The following FLT4 variants were observed in gnomAD, a reference collection of about 807,000 sequenced individuals.
FLT4 encodes the protein fms related receptor tyrosine kinase 4, also known as vascular endothelial growth factor receptor 3.
In FLT4, 30 loss-of-function variants were observed where a neutral mutation model predicts 163.2. That is an observed-to-expected ratio of 0.18 (90% CI 0.14 to 0.25). The LOEUF (loss-of-function observed/expected upper bound fraction) is 0.25, where lower values mean the gene tolerates loss of function less well. Ranked by LOEUF, FLT4 falls within the 10% of genes least tolerant of loss-of-function variation. FLT4 has a pLI of 1.00. For synonymous variants in FLT4, 884 were observed against 789.5 expected, an observed-to-expected ratio of 1.12 and a Z score of -2.01; for missense variants, 1,510 against 1,863.8, an observed-to-expected ratio of 0.81 and a Z score of 3.50.
intron 27 of FLT4, 102 bp from the exon 28 acceptor site, chr5:180,610,127 C>T: frequency 6.4e-7 from 1 of 1,561,624 alleles, no homozygotes; most frequent in South Asian, 1.1e-5. Flanking sequence ...GAAAGGACCC[C>T]CCGCCTGGGG....
At chr5:180,605,626 G>A (rs1761742296) in intron 29 of FLT4, among the ~76,000 whole-genome samples, 1 of 152,178 alleles carries the variant, frequency 6.6e-6, no homozygotes, top group African/African-American at 2.4e-5. Context: ...TCACTTAAAA[G>A]TGCCACCTCA....
At chr5:180,608,649 C>T (rs1376948768) in intron 29 of FLT4, among the ~76,000 whole-genome samples, 1 of 152,122 alleles carries the variant, frequency 6.6e-6, no homozygotes, top group Non-Finnish European at 1.5e-5. Context: ...GGTGGCCTCC[C>T]CAACCTGGAG....
chr5:180,626,618 C>T (rs1402886474), intron 8 of FLT4, among the ~76,000 whole-genome samples: 1 of 152,220 alleles, frequency 6.6e-6, no homozygotes. Context: ...TGCAGACAGC[C>T]TTCTTCAGCC....
At chr5:180,616,212 G>T (rs1203771691) in intron 23 of FLT4, among the ~76,000 whole-genome samples, 155 bp downstream of exon 23, 1 of 152,200 alleles carries the variant, frequency 6.6e-6, no homozygotes, top group Admixed American at 6.5e-5. Flanking sequence ...GTCCCCTGGG[G>T]GCAGGAGGTC....
intron 8 of FLT4, among the ~76,000 whole-genome samples, chr5:180,628,649 G>C (rs1462290061): frequency 6.6e-6 from 1 of 152,214 alleles, no homozygotes; most frequent in East Asian, 1.9e-4. Context: ...ACATGTAACA[G>C]AAGGCTGGTA....
In FLT4 at chr5:180,630,053, C is replaced by T. The variant is rs369974304; in HGVS notation, c.566G>A (p.Arg189Gln). ...CAGTGGCGTGGACACGAGCATGCCC[C>T]GCCGGTCATCCCACACCACCTCCTG... ...DGQEVVWDDR[R>Q]GMLVSTPLLH... The change falls in exon 5 of 30, where the codon CGG becomes CAG. Residue 189 changes from arginine to glutamine, a missense_variant. This residue lies in a region of FLT4 where 163 missense variants were observed against 281.1 expected (regional missense o/e 0.58). Coordinates refer to ENST00000261937, the MANE Select transcript of FLT4 (RefSeq NM_182925.5). The surrounding 1 kb of genome is among the most constrained non-coding windows in gnomAD (Gnocchi z 6.3). 24 of 1,612,672 alleles carry T rather than the reference C, an allele frequency of 1.5e-5. No individual in the cohort carries two copies. Among genetic ancestry groups the T allele is most frequent in the Middle Eastern group, 3.3e-4 (2 of 6,084 alleles).
chr5:180,646,599 G>A (rs905912073), intron 1 of FLT4, among the ~76,000 whole-genome samples: 3 of 152,176 alleles, frequency 2.0e-5, no homozygotes, highest in African/African-American at 7.2e-5. Flanking sequence ...CACCAGCTGG[G>A]CCTCACCAGG....
At chr5:180,645,603 C>T (rs1765452478) in intron 1 of FLT4, among the ~76,000 whole-genome samples, 1 of 152,186 alleles carries the variant, frequency 6.6e-6, no homozygotes, top group African/African-American at 2.4e-5. Context: ...TACTCACCAC[C>T]TGGATCTACC....
chr5:180,631,950 C>A (rs1223346084), intron 1 of FLT4, among the ~76,000 whole-genome samples, 172 bp from the exon 2 acceptor site: 1 of 152,138 alleles, frequency 6.6e-6, no homozygotes, highest in Non-Finnish European at 1.5e-5. Flanking sequence ...GTGAGCAGCA[C>A]CAGCTCCCAG....
chr5:180,619,460 G>T, intron 18 of FLT4, 94 bp from the exon 19 acceptor site: 1 of 1,074,524 alleles, frequency 9.3e-7, no homozygotes, highest in Non-Finnish European at 1.4e-6. Context: ...GTTACTAAGG[G>T]CCCCCAGGAC....
At chr5:180,631,403 G>A (rs1352538826) in intron 2 of FLT4, among the ~76,000 whole-genome samples, 2 of 152,056 alleles carry the variant, frequency 1.3e-5, no homozygotes, top group East Asian at 3.9e-4. Context: ...AACCCGGGAG[G>A]CAGAGCTTGC....
In FLT4 at chr5:180,622,711, G is replaced by A. The variant is rs369293878; in HGVS notation, c.1657+20C>T. On this transcript the variant is annotated intron_variant, in intron 12 of 29. Transcript: ENST00000261937. ...CCTGACCCTGTACCCAGGCCTCCCC[G>A]CCCTGGTCTGGTCACTCACTGGTCA... The A allele has an allele frequency of 3.3e-5, 50 of 1,521,110 alleles. No individual in the cohort carries two copies. Among genetic ancestry groups the A allele is most frequent in the African/African-American group, 8.2e-5 (6 of 73,046 alleles). The allele number at this position is 1,521,110 out of a possible 1,614,324, so 94.2% of individuals were successfully genotyped here.
intron 13 of FLT4, 102 bp downstream of exon 13, chr5:180,621,440 G>A (rs1763137891): frequency 1.3e-6 from 2 of 1,522,710 alleles, no homozygotes; most frequent in African/African-American, 1.4e-5. Flanking sequence ...GCAGGCCAGG[G>A]CTGTGAATAG....
chr5:180,607,897 C>G (rs1761888506), intron 29 of FLT4: 4 of 584,256 alleles, frequency 6.8e-6, no homozygotes, highest in Admixed American at 3.0e-5. Context: ...CTCTGTCACG[C>G]TGGCATAAGG....
At position 180,603,351 on chromosome 5, in the gene FLT4, T is replaced by C. The variant is rs751544194; in HGVS notation, c.3933A>G (p.Ala1311=). 4.3e-6 allele frequency: 7 copies of C among 1,613,978 alleles called. No homozygotes were observed. The African/African-American group carries it at 9.3e-5, about 22-fold the overall frequency. ...GCCGCCTCCCTTGGGAGTCAGGGTG[T>C]GCCCTGGTCACAGCCACATTCTGGC... is the stretch of plus-strand genomic sequence containing the variant. ...GPGQNVAVTR[A]HPDSQGRRRR... is the part of the protein sequence containing the mutation. Residue 1311 remains alanine (A), a synonymous_variant, in exon 30 of 30, where the codon GCA becomes GCG. Coordinates refer to ENST00000261937, the MANE Select transcript of FLT4 (RefSeq NM_182925.5).
chr5:180,648,605 C>G (rs770391076), intron 1 of FLT4, among the ~76,000 whole-genome samples: 1 of 152,174 alleles, frequency 6.6e-6, no homozygotes, highest in South Asian at 2.1e-4. Context: ...ACTCCCAGCT[C>G]ATCTTCTCAG....
intron 1 of FLT4, among the ~76,000 whole-genome samples, chr5:180,646,247 T>C (rs72818994): frequency 0.06 from 9,062 of 152,206 alleles, 407 homozygotes; most frequent in Non-Finnish European, 0.081. Context: ...GCCAGAGACC[T>C]GGGACTTCCT....
At chr5:180,631,573 G>T in intron 2 of FLT4, 109 bp downstream of exon 2, 2 of 895,266 alleles carry the variant, frequency 2.2e-6, no homozygotes, top group Non-Finnish European at 3.7e-6. Context: ...AGGCCACTCT[G>T]CCCTGACTCT....
chr5:180,640,299 C>T (rs1765007960), intron 1 of FLT4, among the ~76,000 whole-genome samples: 1 of 152,230 alleles, frequency 6.6e-6, no homozygotes, highest in South Asian at 2.1e-4. Flanking sequence ...AGTGAGGAAA[C>T]TGAGGCGCCA....
Sources: gnomAD v4.1 joint callset for allele counts (sites outside exome capture counted in the v4.1 genomes callset) on GRCh38, gnomAD v4.1.1 for gene constraint, gnomAD v4.1.1 regional missense constraint, Gnocchi (gnomAD v3.1) non-coding constraint, MANE v1.5 for transcripts, NCBI Gene and HGNC (gene_info 2026-07-23, HGNC 2026-07-21) for gene names.